The following IGSF10 variants were observed in gnomAD, a reference collection of about 807,000 sequenced individuals.
IGSF10 encodes calvaria mechanical force protein 608.
A neutral mutation model predicts 128.2 loss-of-function variants in IGSF10; 126 were observed. That is an observed-to-expected ratio of 0.98 (90% CI 0.85 to 1.14). IGSF10 has a LOEUF of 1.14. IGSF10 is among the 50% of genes most tolerant of loss of function. IGSF10 has a pLI of 0.00. For synonymous variants in IGSF10, 1,185 were observed against 1,146.2 expected (o/e 1.03, Z -0.68); for missense variants, 3,295 against 3,149.8 (o/e 1.05, Z -1.10).
chr3:151,497,748 A>T, the IGSF10 span, among the ~76,000 whole-genome samples: 1 of 152,098 alleles, frequency 6.6e-6, no homozygotes, highest in East Asian at 1.9e-4. Context: ...ATGGCATTGA[A>T]TCTATGAATT....
At chr3:151,540,802 G>A in the IGSF10 span, among the ~76,000 whole-genome samples, 10 of 152,120 alleles carry the variant, frequency 6.6e-5, no homozygotes, top group Admixed American at 6.6e-4. Context: ...AGTCCCCCAC[G>A]AAAATGCACA....
chr3:151,523,035 A>G, the IGSF10 span, among the ~76,000 whole-genome samples: 1 of 152,150 alleles, frequency 6.6e-6, no homozygotes, highest in African/African-American at 2.4e-5. Context: ...AGCCAAATTG[A>G]GAGCAAATCA....
chr3:151,534,508 C>G, the IGSF10 span, among the ~76,000 whole-genome samples: 2 of 152,194 alleles, frequency 1.3e-5, no homozygotes, highest in Admixed American at 6.5e-5. Flanking sequence ...TTTTCCGGGA[C>G]ATGGATGAAG....
intron 6 of IGSF10, among the ~76,000 whole-genome samples, chr3:151,444,432 C>T (rs535218912): frequency 4.6e-5 from 7 of 152,254 alleles, no homozygotes; most frequent in African/African-American, 7.2e-5. Context: ...CTCAGCCTCC[C>T]GAGTAGCTGG....
the IGSF10 span, among the ~76,000 whole-genome samples, chr3:151,489,234 T>C: frequency 1.3e-5 from 2 of 152,186 alleles, no homozygotes; most frequent in African/African-American, 4.8e-5. Flanking sequence ...AAGGTCATCA[T>C]CACTGGTCAT....
At position 151,436,483 on chromosome 3, in the gene IGSF10, TAA is replaced by T. The variant is rs557565953; in HGVS notation, c.*204_*205del. Reference sequence around the variant, plus strand: ...TTGGCAAAATAAAAGTGCCTTAAGTTAAAAGTTTGTTTTGAGATCCATTAAAT... The same window carrying T: ...TTGGCAAAATAAAAGTGCCTTAAGTTAAGTTTGTTTTGAGATCCATTAAAT... On this transcript the variant is annotated 3_prime_UTR_variant, in exon 8 of 8. Coordinates refer to ENST00000282466, the MANE Select transcript of IGSF10 (RefSeq NM_178822.5). 68 of 445,452 alleles carry T rather than the reference TAA, an allele frequency of 1.5e-4. No homozygotes were observed. Among genetic ancestry groups the T allele is most frequent in the African/African-American group, 1.0e-3 (51 of 49,896 alleles). The allele number at this position is 445,452 out of a possible 1,614,324, so 27.6% of individuals were successfully genotyped here.
the IGSF10 span, among the ~76,000 whole-genome samples, chr3:151,619,610 T>G: frequency 6.6e-6 from 1 of 152,092 alleles, no homozygotes. Flanking sequence ...ACCCCAAATA[T>G]TACTATAAAA....
At chr3:151,469,885 G>A in the IGSF10 span, among the ~76,000 whole-genome samples, 1 of 152,270 alleles carries the variant, frequency 6.6e-6, no homozygotes, top group South Asian at 2.1e-4. Context: ...AAGATTTACA[G>A]GCAATAATAA....
rs1235555342 is a variant in IGSF10, at chr3:151,447,781, G to T, written c.2200C>A (p.His734Asn). Reference protein sequence around the residue: ...LTLQRRGDSTHRRFRENRRHF... With the variant: ...LTLQRRGDSTNRRFRENRRHF... ...CTCCTATTCTCCCTAAAACGTCGAT[G>T]TGTTGAATCTCCACGTCGCTGGAGT... The change falls in exon 6 of 8, where the codon CAT (histidine) becomes AAT (asparagine). Residue 734 changes from histidine to asparagine, a missense_variant. Physicochemically the swap from His to Asn is moderately conservative, Grantham distance 68. Transcript: ENST00000282466. 10 of 1,614,066 alleles carry T rather than the reference G, an allele frequency of 6.2e-6. No individual in the cohort carries two copies. Among genetic ancestry groups the T allele is most frequent in the Non-Finnish European group, 7.6e-6 (9 of 1,180,038 alleles).
chr3:151,438,657 AC>A, intron 7 of IGSF10, 60 bp from the exon 8 acceptor site: 1 of 1,359,062 alleles, frequency 7.4e-7, no homozygotes, highest in South Asian at 1.3e-5. Flanking sequence ...AAACTGTTTT[AC>A]TCAGGATTGC....
chr3:151,461,304 T>G, upstream of IGSF10: 3 of 985,314 alleles, frequency 3.0e-6, no homozygotes, highest in Non-Finnish European at 3.6e-6. Context: ...CCTTGACCTC[T>G]TCCACCTGTT....
At chr3:151,541,755 T>C in the IGSF10 span, among the ~76,000 whole-genome samples, 9 of 152,150 alleles carry the variant, frequency 5.9e-5, no homozygotes, top group Non-Finnish European at 8.8e-5. Context: ...GTACAATACA[T>C]AAATACATAT....
chr3:151,473,676 T>C, the IGSF10 span, among the ~76,000 whole-genome samples: 1 of 152,184 alleles, frequency 6.6e-6, no homozygotes, highest in Non-Finnish European at 1.5e-5. Flanking sequence ...GCTGTGCAGA[T>C]TTATGGATGA....
chr3:151,436,915 T>G lies in IGSF10; in HGVS notation c.7646A>C (p.His2549Pro). The G allele has an allele frequency of 6.2e-7, 1 of 1,614,146 alleles. No homozygotes were observed. Among genetic ancestry groups the G allele is most frequent in the South Asian group, 1.1e-5 (1 of 91,076 alleles). The change falls in exon 8 of 8, where the codon CAC becomes CCC. Residue 2549 changes from histidine (H) to proline (P), a missense_variant. Physicochemically the swap from His to Pro is moderately conservative, Grantham distance 77. Coordinates refer to ENST00000282466, the MANE Select transcript of IGSF10 (RefSeq NM_178822.5). ...VTRTGAAFQLHCVALGVPKPE... is the reference protein window; with the variant it reads ...VTRTGAAFQLPCVALGVPKPE... ...CTTGGGAACTCCCAAGGCCACACAG[T>G]GGAGCTGAAAGGCTGCCCCTGTCCT...
At chr3:151,541,730 C>T in the IGSF10 span, among the ~76,000 whole-genome samples, 1 of 152,096 alleles carries the variant, frequency 6.6e-6, no homozygotes, top group Non-Finnish European at 1.5e-5. Flanking sequence ...CTCCTTCTCT[C>T]GAGGACATAC....
At chr3:151,482,963 T>C in the IGSF10 span, among the ~76,000 whole-genome samples, 8 of 151,862 alleles carry the variant, frequency 5.3e-5, no homozygotes, top group African/African-American at 1.4e-4. Flanking sequence ...AATCTGTTAT[T>C]CAAAAATGAA....
chr3:151,575,256 G>C, the IGSF10 span, among the ~76,000 whole-genome samples: 1 of 151,468 alleles, frequency 6.6e-6, no homozygotes. Context: ...CTTTCTTCAG[G>C]GCTGTCAGAC....
At chr3:151,539,090 A>C in the IGSF10 span, among the ~76,000 whole-genome samples, 1 of 152,178 alleles carries the variant, frequency 6.6e-6, no homozygotes, top group Admixed American at 6.6e-5. Context: ...TGCTGTTGGA[A>C]AGGGGCCTAG....
the IGSF10 span, among the ~76,000 whole-genome samples, chr3:151,520,493 T>C: frequency 6.6e-6 from 1 of 151,748 alleles, no homozygotes; most frequent in Admixed American, 6.6e-5. Flanking sequence ...TATACATTCA[T>C]GATATTCCAA....
Sources: allele counts gnomAD v4.1 joint callset (sites outside exome capture counted in the v4.1 genomes callset), GRCh38; gene constraint gnomAD v4.1.1; transcripts MANE v1.5; gene names NCBI Gene and HGNC (gene_info 2026-07-23, HGNC 2026-07-21).